Variants in PCDH15 observed in about 807,000 individuals in gnomAD.
PCDH15 encodes protocadherin related 15, also known as protocadherin-15.
In PCDH15, 129 loss-of-function variants were observed where a neutral mutation model predicts 178.5. The ratio of observed to expected loss-of-function variants is 0.72; its 90% CI spans 0.63 to 0.84. The LOEUF (loss-of-function observed/expected upper bound fraction) is 0.84. Ranked by LOEUF, PCDH15 falls within the 40% of genes least tolerant of loss-of-function variation. PCDH15 has a pLI of 0.00. For synonymous variants in PCDH15, 800 were observed against 732.0 expected, an observed-to-expected ratio of 1.09 and a Z score of -1.50; for missense variants, 2,230 against 2,099.9, an observed-to-expected ratio of 1.06 and a Z score of -1.21.
At position 54,917,201 on chromosome 10, in the gene PCDH15, T is replaced by C. The variant is rs117648649; in HGVS notation, c.-79-19701A>G. 8.1e-3 allele frequency among the ~76,000 whole-genome samples: 1,236 copies of C among 152,266 alleles called. 14 individuals are homozygous for C. The highest frequency in any genetic ancestry group is 0.048 in the Middle Eastern group (14 of 294). ...CAAAGACTTAGATTTGTGTGGTGGG[T>C]AATATTTTCTGTGTTTAGTAGACAT... is the stretch of plus-strand genomic sequence containing the variant. On this transcript the variant is annotated intron_variant, in intron 2 of 5. Transcript: ENST00000458638.
At chr10:55,553,807 T>C (rs1287818534) in intron 2 of PCDH15, among the ~76,000 whole-genome samples, 1 of 151,944 alleles carries the variant, frequency 6.6e-6, no homozygotes, top group African/African-American at 2.4e-5. Context: ...TCAATATATA[T>C]AAGTTCTGCA....
intron 25 of PCDH15, among the ~76,000 whole-genome samples, chr10:53,914,856 T>C (rs1180132861): frequency 1.3e-5 from 2 of 152,206 alleles, no homozygotes; most frequent in Admixed American, 6.5e-5. Flanking sequence ...TAGGAAAATA[T>C]TGACTCTGAA....
chr10:53,956,682 G>A (rs1056390090), intron 23 of PCDH15, among the ~76,000 whole-genome samples: 5 of 152,054 alleles, frequency 3.3e-5, no homozygotes, highest in African/African-American at 1.2e-4. Context: ...GATGCAACAA[G>A]ATTACCAAAT....
intron 13 of PCDH15, among the ~76,000 whole-genome samples, chr10:54,164,318 G>A (rs577003416): frequency 2.2e-4 from 34 of 152,278 alleles, no homozygotes; most frequent in African/African-American, 7.5e-4. Flanking sequence ...GCTCTATCGT[G>A]TGATAAGGGA....
At chr10:54,519,921 T>C (rs1288535346) in intron 3 of PCDH15, among the ~76,000 whole-genome samples, 6 of 152,206 alleles carry the variant, frequency 3.9e-5, no homozygotes, top group African/African-American at 1.2e-4. Flanking sequence ...TATCTACAAC[T>C]ATCTGATCTT....
intron 1 of PCDH15, among the ~76,000 whole-genome samples, chr10:54,705,647 G>T (rs1010916383): frequency 1.3e-5 from 2 of 152,052 alleles, no homozygotes; most frequent in African/African-American, 4.8e-5. Flanking sequence ...TACAAAAAGT[G>T]CATAGAGACC....
chr10:55,034,815 T>A (rs1160652404), intron 2 of PCDH15, among the ~76,000 whole-genome samples: 1 of 152,188 alleles, frequency 6.6e-6, no homozygotes, highest in Non-Finnish European at 1.5e-5. Context: ...TATATTGCAA[T>A]TATTGTATTT....
intron 2 of PCDH15, among the ~76,000 whole-genome samples, chr10:55,556,542 T>C (rs1249320703): frequency 1.3e-5 from 2 of 152,098 alleles, no homozygotes; most frequent in African/African-American, 4.8e-5. Flanking sequence ...AAAAGTTATT[T>C]ACATTGGGCC....
chr10:54,885,214 G>A (rs1954334203), intron 3 of PCDH15, among the ~76,000 whole-genome samples: 1 of 151,944 alleles, frequency 6.6e-6, no homozygotes, highest in South Asian at 2.1e-4. Flanking sequence ...TACTAAACTA[G>A]CAGATATCCT....
At chr10:55,484,614 G>A (rs911601445) in intron 2 of PCDH15, among the ~76,000 whole-genome samples, 2 of 151,620 alleles carry the variant, frequency 1.3e-5, no homozygotes, top group Non-Finnish European at 3.0e-5. Context: ...AGAACAAAGA[G>A]ACAGCAAACT....
At chr10:54,146,745 C>T (rs2043943035) in intron 14 of PCDH15, among the ~76,000 whole-genome samples, 1 of 150,726 alleles carries the variant, frequency 6.6e-6, no homozygotes, top group South Asian at 2.1e-4. Flanking sequence ...TGGATGAAAG[C>T]TGTCAATTTT....
intron 2 of PCDH15, among the ~76,000 whole-genome samples, chr10:54,659,325 T>C (rs1565877561): frequency 6.6e-6 from 1 of 152,220 alleles, no homozygotes; most frequent in South Asian, 2.1e-4. Context: ...CCACAGAGTA[T>C]ACATTTTTCA....
At chr10:54,340,189 C>T (rs192525239) in intron 6 of PCDH15, among the ~76,000 whole-genome samples, 1 of 152,134 alleles carries the variant, frequency 6.6e-6, no homozygotes, top group East Asian at 1.9e-4. Context: ...CAGGAACAAA[C>T]CCTTAAACTT....
At chr10:54,374,159 T>C (rs1948079918) in intron 4 of PCDH15, among the ~76,000 whole-genome samples, 1 of 152,050 alleles carries the variant, frequency 6.6e-6, no homozygotes, top group South Asian at 2.1e-4. Context: ...AATTAGTTTA[T>C]ATGAGTGATG....
intron 2 of PCDH15, among the ~76,000 whole-genome samples, chr10:55,536,701 A>G (rs1037960516): frequency 6.6e-6 from 1 of 152,022 alleles, no homozygotes; most frequent in Admixed American, 6.6e-5. Flanking sequence ...CTCTTATTTA[A>G]TTTCCAGACT....
intron 27 of PCDH15, among the ~76,000 whole-genome samples, chr10:53,863,390 G>T (rs1241802109): frequency 2.6e-5 from 4 of 152,100 alleles, no homozygotes. Flanking sequence ...AGCATAGTGA[G>T]GGTAATAGTC....
chr10:54,842,315 A>G (rs952253319), intron 3 of PCDH15, among the ~76,000 whole-genome samples: 2 of 151,638 alleles, frequency 1.3e-5, no homozygotes, highest in African/African-American at 4.8e-5. Flanking sequence ...AACTATTAGC[A>G]CCCTTTCTTC....
intron 1 of PCDH15, among the ~76,000 whole-genome samples, chr10:55,184,022 T>C (rs537947638): frequency 5.4e-4 from 82 of 152,076 alleles, no homozygotes; most frequent in African/African-American, 1.9e-3. Context: ...TACCTCTCTT[T>C]TTCTGATGCT....
intron 18 of PCDH15, 28 bp from the exon 19 acceptor site, chr10:54,023,225 A>T: frequency 2.5e-6 from 4 of 1,603,216 alleles, no homozygotes. Flanking sequence ...AAAACAAAAA[A>T]ATTCACGTAA....
Sources: gnomAD v4.1 joint callset for allele counts (sites outside exome capture counted in the v4.1 genomes callset) on GRCh38, gnomAD v4.1.1 for gene constraint, MANE v1.5 for transcripts, NCBI Gene and HGNC (gene_info 2026-07-23, HGNC 2026-07-21) for gene names.